The following MARK1 variants were observed in gnomAD, a reference collection of about 807,000 sequenced individuals.
MARK1 encodes serine/threonine-protein kinase MARK1.
In MARK1, 40 loss-of-function variants were observed where a neutral mutation model predicts 96.3. The ratio of observed to expected loss-of-function variants is 0.42; its 90% CI spans 0.32 to 0.54. The LOEUF (loss-of-function observed/expected upper bound fraction) is 0.54, where lower values mean the gene tolerates loss of function less well. Ranked by LOEUF, MARK1 falls within the 20% of genes least tolerant of loss-of-function variation. The pLI, the probability that MARK1 is intolerant of heterozygous loss-of-function variation, is 0.16. For synonymous variants in MARK1, 317 were observed against 341.2 expected (o/e 0.93, Z 0.78); for missense variants, 719 against 984.6 (o/e 0.73, Z 3.61).
chr1:220,642,316 A>G (rs943350644), intron 13 of MARK1, among the ~76,000 whole-genome samples: 2 of 152,228 alleles, frequency 1.3e-5, no homozygotes, highest in Non-Finnish European at 2.9e-5. Flanking sequence ...GGGAGGCTGC[A>G]TGGTTTGGAC....
intron 3 of MARK1, among the ~76,000 whole-genome samples, chr1:220,587,247 T>C (rs1212926549): frequency 6.6e-6 from 1 of 152,066 alleles, no homozygotes; most frequent in Non-Finnish European, 1.5e-5. Context: ...GCTAACTATA[T>C]AGTCTCTCCT....
At chr1:220,635,346 T>C in intron 11 of MARK1, 30 bp from the exon 12 acceptor site, 1 of 1,542,650 alleles carries the variant, frequency 6.5e-7, no homozygotes. Context: ...TTTTTTTGCT[T>C]TAAAATCCCT....
chr1:220,536,552 CCTCT>C (rs368259099), intron 1 of MARK1, among the ~76,000 whole-genome samples: 1 of 151,730 alleles, frequency 6.6e-6, no homozygotes, highest in Admixed American at 6.6e-5. Flanking sequence ...TTTAACCAGT[CCTCT>C]CTCTCTTTTT....
In MARK1 at chr1:220,528,858, G is replaced by A; in HGVS notation, c.36G>A (p.Glu12=). ...SARTPLPTVN[E]RDTENHTSVD... ...GGACGCCATTGCCGACGGTGAACGAGCGGGACACGGAAAATGTGAGTAACC... is the reference window on the plus strand; with the variant it reads ...GGACGCCATTGCCGACGGTGAACGAACGGGACACGGAAAATGTGAGTAACC... The change falls in exon 1 of 18, where the codon GAG becomes GAA. Residue 12 remains glutamate (E), a synonymous_variant. Transcript: ENST00000366917. The A allele has an allele frequency of 6.4e-7, 1 of 1,571,684 alleles. No individual in the cohort carries two copies. The highest frequency in any genetic ancestry group is 8.6e-7 in the Non-Finnish European group (1 of 1,157,980).
At chr1:220,587,361 CTCTG>C (rs1204612006) in intron 3 of MARK1, among the ~76,000 whole-genome samples, 5 of 145,600 alleles carry the variant, frequency 3.4e-5, no homozygotes, top group African/African-American at 1.0e-4. Flanking sequence ...CTGTCTCTCT[CTCTG>C]TCTTTCTTTC....
At position 220,528,879 on chromosome 1, in the gene MARK1, T is replaced by A; in HGVS notation, c.51+6T>A. 6.4e-7 allele frequency: 1 copy of A among 1,565,422 alleles called. No homozygotes were observed. The highest frequency in any genetic ancestry group is 1.2e-5 in the South Asian group (1 of 85,166). On this transcript the variant is annotated splice_donor_region_variant and intron_variant, in intron 1 of 17. Transcript: ENST00000366917. ...ACGAGCGGGACACGGAAAATGTGAG[T>A]AACCGGAGCCTCCCTCGGGAGCAGT...
chr1:220,577,646 G>A (rs1663958936), intron 1 of MARK1, among the ~76,000 whole-genome samples: 1 of 152,180 alleles, frequency 6.6e-6, no homozygotes, highest in African/African-American at 2.4e-5. Context: ...GATTCTGATG[G>A]TGCTGGACCA....
intron 1 of MARK1, among the ~76,000 whole-genome samples, chr1:220,548,548 C>T (rs958578082): frequency 1.1e-4 from 16 of 151,996 alleles, no homozygotes; most frequent in East Asian, 3.9e-4. Flanking sequence ...GAGACCAATC[C>T]GGCCAACATG....
chr1:220,662,203 CATAT>C lies in MARK1; in HGVS notation c.*40_*43del, dbSNP rs750458253. 2.0e-6 allele frequency: 3 copies of C among 1,478,926 alleles called. No homozygotes were observed. Among genetic ancestry groups the C allele is most frequent in the Non-Finnish European group, 2.8e-6 (3 of 1,077,558 alleles). The allele number at this position is 1,478,926 out of a possible 1,614,324, so 91.6% of individuals were successfully genotyped here. A position where few individuals can be genotyped will look rare whatever the true frequency, so the allele number is the denominator to read the frequency against. On this transcript the variant is annotated 3_prime_UTR_variant, in exon 18 of 18. Coordinates refer to ENST00000366917, the MANE Select transcript of MARK1 (RefSeq NM_018650.5). ...TTTACAGGTTCAGGGAAGATACATA[CATAT>C]ATGAGGTACAGTTTTTGAATGTACT...
chr1:220,618,901 C>G lies in MARK1; in HGVS notation c.909+146C>G. On this transcript the variant is annotated intron_variant, in intron 9 of 17. Coordinates refer to ENST00000366917, the MANE Select transcript of MARK1 (RefSeq NM_018650.5). The surrounding 1 kb of genome is among the most constrained non-coding windows in gnomAD (Gnocchi z 4.6). Reference sequence around the variant, plus strand: ...TTTGTAGGTAGGGAAAATTACATGACTTTTTTTCACTTTCAAAAGTTGCCA... The same window carrying G: ...TTTGTAGGTAGGGAAAATTACATGAGTTTTTTTCACTTTCAAAAGTTGCCA... 1 of 667,600 alleles carries G rather than the reference C, an allele frequency of 1.5e-6. No individual in the cohort carries two copies. 41.4% of individuals were successfully genotyped at this position (667,600 alleles called of 1,614,324 possible).
chr1:220,633,242 A>G (rs1237791699), intron 11 of MARK1, among the ~76,000 whole-genome samples: 2 of 152,186 alleles, frequency 1.3e-5, no homozygotes, highest in Non-Finnish European at 2.9e-5. Context: ...TGAGATTTGG[A>G]GGGGACAGAG....
intron 1 of MARK1, among the ~76,000 whole-genome samples, chr1:220,539,220 C>G (rs1402133001): frequency 1.3e-5 from 2 of 151,818 alleles, no homozygotes; most frequent in Admixed American, 1.3e-4. Flanking sequence ...ATAGATAGCT[C>G]TTATTATTTT....
At chr1:220,636,064 T>C (rs775204422) in intron 13 of MARK1, 38 bp downstream of exon 13, 2 of 1,406,008 alleles carry the variant, frequency 1.4e-6, no homozygotes, top group South Asian at 1.6e-5. Flanking sequence ...TTTATTGTAA[T>C]AACTTGTTTT....
chr1:220,540,379 A>G (rs997902781), intron 1 of MARK1, among the ~76,000 whole-genome samples: 10 of 152,212 alleles, frequency 6.6e-5, no homozygotes, highest in African/African-American at 1.4e-4. Context: ...TTATATTCCA[A>G]TCGGGCTCTC....
intron 3 of MARK1, among the ~76,000 whole-genome samples, chr1:220,589,973 A>T (rs2102874475): frequency 6.6e-6 from 1 of 152,296 alleles, no homozygotes; most frequent in Middle Eastern, 3.4e-3. Flanking sequence ...ATGCCTACTC[A>T]GCTCTCTCCA....
chr1:220,598,644 A>C (rs1432175255), intron 4 of MARK1, among the ~76,000 whole-genome samples: 1 of 151,862 alleles, frequency 6.6e-6, no homozygotes, highest in Admixed American at 6.6e-5. Context: ...ATCATTCAGA[A>C]TTAATGCATA....
At chr1:220,551,703 A>G (rs1015290715) in intron 1 of MARK1, among the ~76,000 whole-genome samples, 1 of 152,088 alleles carries the variant, frequency 6.6e-6, no homozygotes, top group African/African-American at 2.4e-5. Context: ...AATCAAAAAG[A>G]AAAAAAAGAA....
rs1256726124 is a variant in MARK1, at chr1:220,618,303, C to G, written c.553-7C>G. On this transcript the variant is annotated splice_polypyrimidine_tract_variant and splice_region_variant and intron_variant, in intron 7 of 17. Transcript: ENST00000366917. The surrounding 1 kb of genome is among the most constrained non-coding windows in gnomAD (Gnocchi z 4.6). ...TTACATTGTTCTTTCTATTATTTTCCTCTTAGGCTGAAAACCTTCTCCTTG... is the reference window on the plus strand; with the variant it reads ...TTACATTGTTCTTTCTATTATTTTCGTCTTAGGCTGAAAACCTTCTCCTTG... 2 of 1,535,868 alleles carry G rather than the reference C, an allele frequency of 1.3e-6. No homozygotes were observed. The highest frequency in any genetic ancestry group is 1.8e-6 in the Non-Finnish European group (2 of 1,109,626).
chr1:220,549,564 T>C (rs1312283691), intron 1 of MARK1, among the ~76,000 whole-genome samples: 2 of 152,236 alleles, frequency 1.3e-5, no homozygotes, highest in Admixed American at 1.3e-4. Context: ...TCTTTCTGTT[T>C]TACTAGAATT....
Sources: allele counts gnomAD v4.1 joint callset (sites outside exome capture counted in the v4.1 genomes callset), GRCh38; gene constraint gnomAD v4.1.1; non-coding constraint Gnocchi (gnomAD v3.1); transcripts MANE v1.5; gene names NCBI Gene and HGNC (gene_info 2026-07-23, HGNC 2026-07-21).